The following BCAR3 variants were observed in gnomAD, a reference collection of about 807,000 sequenced individuals.
BCAR3 encodes breast cancer anti-estrogen resistance protein 3.
A neutral mutation model predicts 80.1 loss-of-function variants in BCAR3; 37 were observed. That is an observed-to-expected ratio of 0.46 (90% confidence interval 0.36 to 0.61). The LOEUF is 0.61. BCAR3 is among the 20% of genes least tolerant of loss of function. The pLI, the probability that BCAR3 is intolerant of heterozygous loss-of-function variation, is 0.00. For synonymous variants in BCAR3, 389 were observed against 418.9 expected, an observed-to-expected ratio of 0.93 and a Z score of 0.87; for missense variants, 978 against 1,068.2, an observed-to-expected ratio of 0.92 and a Z score of 1.18.
intron 3 of BCAR3, among the ~76,000 whole-genome samples, chr1:93,628,745 A>T (rs1008651096): frequency 3.3e-5 from 5 of 152,302 alleles, no homozygotes; most frequent in African/African-American, 1.2e-4. Context: ...AACAGGATTG[A>T]CTTGACTGTC....
intron 2 of BCAR3, chr1:93,845,503 A>ATAT (rs1571168386): frequency 6.3e-4 from 3 of 4,786 alleles, no homozygotes; most frequent in African/African-American, 1.2e-3. Flanking sequence ...TATATATATA[A>ATAT]AACTTTGTTT....
chr1:93,757,583 C>T (rs778104431), intron 2 of BCAR3, among the ~76,000 whole-genome samples: 1 of 152,216 alleles, frequency 6.6e-6, no homozygotes, highest in Non-Finnish European at 1.5e-5. Context: ...TTTTTCTCCT[C>T]TTCCTTCAAT....
At chr1:93,608,890 G>A (rs980129452) in intron 3 of BCAR3, among the ~76,000 whole-genome samples, 1 of 152,244 alleles carries the variant, frequency 6.6e-6, no homozygotes, top group African/African-American at 2.4e-5. Context: ...TTTCCTGCAA[G>A]GCTTCTTCCA....
At chr1:93,634,096 T>TC (rs774522751) in intron 3 of BCAR3, among the ~76,000 whole-genome samples, 1 of 152,246 alleles carries the variant, frequency 6.6e-6, no homozygotes, top group African/African-American at 2.4e-5. Context: ...GTACTTCATC[T>TC]CTTCTCCAAC....
intron 3 of BCAR3, among the ~76,000 whole-genome samples, chr1:93,631,930 T>A (rs1293406320): frequency 1.3e-5 from 2 of 152,198 alleles, no homozygotes; most frequent in Non-Finnish European, 2.9e-5. Flanking sequence ...TCAGGCTGCA[T>A]GGACAAAGCA....
intron 6 of BCAR3, 146 bp downstream of exon 6, chr1:93,583,872 A>G: frequency 1.4e-6 from 1 of 733,116 alleles, no homozygotes; most frequent in Non-Finnish European, 2.2e-6. Flanking sequence ...GCCGCCGGAT[A>G]TAATTCTGCA....
At chr1:93,562,639 C>G (rs1273438586) in intron 11 of BCAR3, among the ~76,000 whole-genome samples, 1 of 151,696 alleles carries the variant, frequency 6.6e-6, no homozygotes, top group South Asian at 2.1e-4. Context: ...GGCGTGGTGG[C>G]GAGCGCCTGT....
intron 8 of BCAR3, among the ~76,000 whole-genome samples, chr1:93,575,107 C>T (rs1370856876): frequency 6.6e-6 from 1 of 152,032 alleles, no homozygotes; most frequent in Non-Finnish European, 1.5e-5. Context: ...CCTTCAATCA[C>T]ATCAGTCACA....
At chr1:93,739,571 G>A (rs750826676) in intron 2 of BCAR3, among the ~76,000 whole-genome samples, 1 of 152,160 alleles carries the variant, frequency 6.6e-6, no homozygotes, top group Non-Finnish European at 1.5e-5. Context: ...CCCTGAGCTG[G>A]AAGGATCCCA....
chr1:93,671,133 C>T (rs1403416437), intron 2 of BCAR3, among the ~76,000 whole-genome samples: 2 of 152,106 alleles, frequency 1.3e-5, no homozygotes, highest in African/African-American at 4.8e-5. Flanking sequence ...GCTGGGATTA[C>T]AAGCACACGC....
At chr1:93,665,919 C>G (rs190865592) in intron 2 of BCAR3, among the ~76,000 whole-genome samples, 16 of 152,310 alleles carry the variant, frequency 1.1e-4, no homozygotes, top group Non-Finnish European at 2.1e-4. Flanking sequence ...ACCTCTCCCC[C>G]ACCCCACCAT....
intron 2 of BCAR3, among the ~76,000 whole-genome samples, chr1:93,826,742 G>T (rs1469594711): frequency 6.6e-6 from 1 of 152,164 alleles, no homozygotes; most frequent in Non-Finnish European, 1.5e-5. Flanking sequence ...AAAGTACACT[G>T]AAGTCGAAAC....
At chr1:93,729,886 C>T (rs183479065) in intron 2 of BCAR3, among the ~76,000 whole-genome samples, 3 of 152,322 alleles carry the variant, frequency 2.0e-5, no homozygotes, top group Admixed American at 1.3e-4. Flanking sequence ...CTCTCTAGTA[C>T]ACATTTTCAG....
chr1:93,627,079 C>T (rs1290022708), intron 3 of BCAR3, among the ~76,000 whole-genome samples: 1 of 152,154 alleles, frequency 6.6e-6, no homozygotes, highest in African/African-American at 2.4e-5. Flanking sequence ...TTTTGGAAAA[C>T]TTGTATTCAC....
intron 2 of BCAR3, among the ~76,000 whole-genome samples, chr1:93,818,074 GTA>G (rs1654081715): frequency 6.6e-6 from 1 of 152,170 alleles, no homozygotes; most frequent in South Asian, 2.1e-4. Flanking sequence ...CCACTTTATG[GTA>G]CTCTTAATAC....
intron 3 of BCAR3, among the ~76,000 whole-genome samples, chr1:93,698,665 T>C (rs916918758): frequency 2.6e-5 from 4 of 152,198 alleles, no homozygotes; most frequent in Non-Finnish European, 5.9e-5. Context: ...GGATACTTGA[T>C]AAAGAGAGGT....
Position 93,582,708 on chromosome 1 carries a change from C to T in BCAR3, c.1279G>A (p.Ala427Thr). 6.2e-7 allele frequency: 1 copy of T among 1,614,078 alleles called. No individual in the cohort carries two copies. Among genetic ancestry groups the T allele is most frequent in the Non-Finnish European group, 8.5e-7 (1 of 1,180,000 alleles). Reference protein sequence around the residue: ...SSPSAWLNSEANYCELNPAFA... With the variant: ...SSPSAWLNSETNYCELNPAFA... Reference sequence around the variant, plus strand: ...GCTGGGTTCAGTTCACAGTAGTTGGCCTCTGAGTTGAGCCAGGCAGAGGGA... The same window carrying T: ...GCTGGGTTCAGTTCACAGTAGTTGGTCTCTGAGTTGAGCCAGGCAGAGGGA... Residue 427 changes from alanine (A) to threonine (T), a missense_variant, in exon 7 of 12, where the codon GCC becomes ACC. Physicochemically the swap from Ala to Thr is moderately conservative, Grantham distance 58. Transcript: ENST00000260502.
intron 2 of BCAR3, among the ~76,000 whole-genome samples, chr1:93,743,011 T>C (rs1268978409): frequency 6.6e-6 from 1 of 152,230 alleles, no homozygotes; most frequent in African/African-American, 2.4e-5. Flanking sequence ...TCATTCTTTA[T>C]TTTAAAAAAT....
chr1:93,830,074 T>C lies in BCAR3; in HGVS notation c.-63+15493A>G, dbSNP rs182322293. On this transcript the variant is annotated intron_variant, in intron 2 of 13. Coordinates refer to the BCAR3 transcript ENST00000370244. Reference sequence around the variant, plus strand: ...TTGCCTTCCACCATATTTGTAAGTTTCCTGAGGCCTCCCCAGAAGCCAAGC... The same window carrying C: ...TTGCCTTCCACCATATTTGTAAGTTCCCTGAGGCCTCCCCAGAAGCCAAGC... 4.8e-3 allele frequency among the ~76,000 whole-genome samples: 730 copies of C among 152,310 alleles called. 7 individuals are homozygous for C. The highest frequency in any genetic ancestry group is 0.014 in the African/African-American group (580 of 41,562).
Sources: allele counts gnomAD v4.1 joint callset (sites outside exome capture counted in the v4.1 genomes callset), GRCh38; gene constraint gnomAD v4.1.1; transcripts MANE v1.5; gene names NCBI Gene and HGNC (gene_info 2026-07-23, HGNC 2026-07-21).